Variants in REV3L observed in about 807,000 individuals in gnomAD.
REV3L encodes REV3 like, DNA directed polymerase zeta catalytic subunit.
REV3L carries 69 observed loss-of-function variants against 299.4 expected under a neutral mutation model. The observed-to-expected ratio is 0.23, with a 90% confidence interval of 0.19 to 0.28. The LOEUF is 0.28. Ranked by LOEUF, REV3L falls within the 10% of genes least tolerant of loss-of-function variation. The pLI, the probability that REV3L is intolerant of heterozygous loss-of-function variation, is 1.00. For missense variants in REV3L, 3,128 were observed against 3,693.8 expected (o/e 0.85, Z 3.97); for synonymous variants, 1,238 against 1,271.4 (o/e 0.97, Z 0.56).
chr6:111,429,664 G>A (rs1343437910), intron 1 of REV3L, among the ~76,000 whole-genome samples: 1 of 152,178 alleles, frequency 6.6e-6, no homozygotes, highest in Admixed American at 6.5e-5. Flanking sequence ...TGGGGGGCGG[G>A]GTGGGGTGGA....
chr6:111,424,509 A>G (rs943102409), intron 1 of REV3L, among the ~76,000 whole-genome samples: 1 of 152,224 alleles, frequency 6.6e-6, no homozygotes, highest in Non-Finnish European at 1.5e-5. Context: ...ATGAATGCTA[A>G]AACAGCAAGC....
chr6:111,443,582 G>A (rs1788520541), intron 1 of REV3L, among the ~76,000 whole-genome samples: 1 of 152,112 alleles, frequency 6.6e-6, no homozygotes, highest in Non-Finnish European at 1.5e-5. Context: ...AAGCCTTTAC[G>A]CTAAGACTAC....
intron 25 of REV3L, among the ~76,000 whole-genome samples, 172 bp downstream of exon 25, chr6:111,329,360 T>G (rs1775157694): frequency 6.6e-6 from 1 of 150,576 alleles, no homozygotes; most frequent in Non-Finnish European, 1.5e-5. Context: ...TTTTTTTTTC[T>G]TTTAAAAAAG....
chr6:111,418,555 T>C (rs1041452576), intron 1 of REV3L, among the ~76,000 whole-genome samples: 1 of 152,226 alleles, frequency 6.6e-6, no homozygotes, highest in African/African-American at 2.4e-5. Context: ...GTAAGTGCTT[T>C]ACCTATGTAT....
At chr6:111,301,381 C>A (rs558990802) in intron 31 of REV3L, among the ~76,000 whole-genome samples, 1 of 152,206 alleles carries the variant, frequency 6.6e-6, no homozygotes, top group South Asian at 2.1e-4. Context: ...GTGACCCACT[C>A]CCTATTCGTA....
At chr6:111,370,622 A>G (rs1356152324) in intron 13 of REV3L, among the ~76,000 whole-genome samples, 1 of 152,256 alleles carries the variant, frequency 6.6e-6, no homozygotes, top group Non-Finnish European at 1.5e-5. Context: ...CCTTTCTTAA[A>G]TGGATTCCTA....
At chr6:111,310,455 C>CGGAAAAA (rs1772847580) in intron 29 of REV3L, 1 of 162,974 alleles carries the variant, frequency 6.1e-6, no homozygotes, top group Non-Finnish European at 1.3e-5. Flanking sequence ...AGTTTGAGAC[C>CGGAAAAA]AGCTTGGGCA....
intron 1 of REV3L, chr6:111,431,232 A>C (rs1786888749): frequency 6.5e-7 from 1 of 1,548,590 alleles, no homozygotes; most frequent in African/African-American, 1.4e-5. Context: ...TAACAAAAGG[A>C]GGGCATTCCA....
intron 1 of REV3L, among the ~76,000 whole-genome samples, chr6:111,456,463 G>C (rs1790170243): frequency 3.3e-5 from 5 of 152,132 alleles, no homozygotes; most frequent in Admixed American, 2.6e-4. Flanking sequence ...CACGGATTTG[G>C]CTCCTTGTCT....
At chr6:111,446,192 C>T (rs752728470) in intron 1 of REV3L, among the ~76,000 whole-genome samples, 3 of 152,158 alleles carry the variant, frequency 2.0e-5, no homozygotes. Flanking sequence ...TGAGAGTTAA[C>T]AGTTAATCAG....
rs763377271 is a variant in REV3L at position 111,303,681 on chromosome 6, TTTTTTTTAACAGACTATGAC to T, written c.9253-3545_9253-3526del. 1.1e-3 allele frequency among the ~76,000 whole-genome samples: 98 copies of T among 86,370 alleles called. 16 individuals carry two copies. The highest frequency in any genetic ancestry group is 2.2e-3 in the Admixed American group (16 of 7,292). 56.7% of individuals were successfully genotyped at this position (86,370 alleles called of 152,430 possible). Reference sequence around the variant, plus strand: ...GATCCCCAGCCGAGGCTTTTTTTTTTTTTTTTTAACAGACTATGACTTTTTTTTTTTTTTTTTTTTTTTTT... The same window carrying T: ...GATCCCCAGCCGAGGCTTTTTTTTTTTTTTTTTTTTTTTTTTTTTTTTTTT... On this transcript the variant is annotated intron_variant, in intron 31 of 31. Coordinates refer to ENST00000368802, the MANE Select transcript of REV3L (RefSeq NM_001372078.1).
Position 111,376,538 on chromosome 6 carries a change from G to A in REV3L, c.1817C>T (p.Thr606Ile), listed in dbSNP as rs201601521. The A allele has an allele frequency of 6.2e-7, 1 of 1,611,488 alleles. No individual in the cohort carries two copies. The change falls in exon 13 of 32, where the codon ACA (threonine) becomes ATA (isoleucine). Residue 606 changes from threonine (T) to isoleucine (I), a missense_variant. Thr to Ile is a moderately conservative substitution (Grantham distance 89). This residue lies in a region of REV3L where 2,409 missense variants were observed against 2,611.8 expected (regional missense o/e 0.92). Coordinates refer to ENST00000368802, the MANE Select transcript of REV3L (RefSeq NM_001372078.1). ...GACTGAGTTATCTAGACCTTTTTCT[G>A]TATTTTTGTTTGTCTGTGAAAGGTC... is the stretch of plus-strand genomic sequence containing the variant. ...IEDLSQTNKN[T>I]EKGLDNSVTS...
chr6:111,337,135 G>GCACCTGC (rs1775983119), intron 21 of REV3L, among the ~76,000 whole-genome samples: 1 of 152,114 alleles, frequency 6.6e-6, no homozygotes. Flanking sequence ...GTGGCTAGGT[G>GCACCTGC]ATGCAGGATT....
At chr6:111,329,804 A>G in intron 24 of REV3L, 66 bp from the exon 25 acceptor site, 1 of 1,244,124 alleles carries the variant, frequency 8.0e-7, no homozygotes, top group Non-Finnish European at 1.1e-6. Context: ...TTAAGAAGGA[A>G]GCATAAAACA....
At chr6:111,379,909 TAATA>T (rs767856017) in intron 11 of REV3L, 69 bp downstream of exon 11, 36 of 897,638 alleles carry the variant, frequency 4.0e-5, no homozygotes, top group Non-Finnish European at 6.2e-5. Flanking sequence ...TGAACAATAG[TAATA>T]AATAATTTCT....
intron 1 of REV3L, among the ~76,000 whole-genome samples, chr6:111,418,297 ATC>A (rs1289604998): frequency 2.6e-5 from 4 of 152,238 alleles, no homozygotes; most frequent in Non-Finnish European, 5.9e-5. Context: ...TAGTCAATAT[ATC>A]TCAATAATGG....
At chr6:111,461,904 C>A (rs568720625) in intron 1 of REV3L, among the ~76,000 whole-genome samples, 6 of 151,946 alleles carry the variant, frequency 3.9e-5, no homozygotes, top group Non-Finnish European at 7.4e-5. Flanking sequence ...TTTAATCCAA[C>A]CATATTACCA....
At chr6:111,464,547 A>G (rs1471051166) in intron 1 of REV3L, among the ~76,000 whole-genome samples, 1 of 152,232 alleles carries the variant, frequency 6.6e-6, no homozygotes, top group Non-Finnish European at 1.5e-5. Context: ...TCAACAACAT[A>G]CATATAGGAA....
chr6:111,300,249 C>T, intron 31 of REV3L, 93 bp from the exon 32 acceptor site: 1 of 958,150 alleles, frequency 1.0e-6, no homozygotes, highest in Non-Finnish European at 1.5e-6. Flanking sequence ...TTCTAGACTA[C>T]CACAGATTAC....
Sources: allele counts gnomAD v4.1 joint callset (sites outside exome capture counted in the v4.1 genomes callset), GRCh38; gene constraint gnomAD v4.1.1; regional missense constraint gnomAD v4.1.1; transcripts MANE v1.5; gene names NCBI Gene and HGNC (gene_info 2026-07-23, HGNC 2026-07-21).